Variants in TCP11 observed in about 807,000 individuals in gnomAD.
TCP11 encodes the protein T-complex protein 11 homolog.
In TCP11, 34 loss-of-function variants were observed where a neutral mutation model predicts 45.0. The ratio of observed to expected loss-of-function variants is 0.76; its 90% confidence interval spans 0.57 to 1.01. TCP11 has a LOEUF of 1.01. Ranked by LOEUF, TCP11 falls within the 50% of genes least tolerant of loss-of-function variation. TCP11 has a pLI of 0.00. For synonymous variants in TCP11, 227 were observed against 227.0 expected (o/e 1.00, Z 0.00); for missense variants, 523 against 598.1 (o/e 0.87, Z 1.31).
chr6:35,121,025 C>A lies in TCP11; in HGVS notation c.599G>T (p.Gly200Val). The A allele has an allele frequency of 6.2e-7, 1 of 1,609,310 alleles. No individual in the cohort carries two copies. The highest frequency in any genetic ancestry group is 8.5e-7 in the Non-Finnish European group (1 of 1,177,416). Residue 200 changes from glycine to valine, a missense_variant, in exon 6 of 10, where the codon GGC becomes GTC. Physicochemically the swap from Gly to Val is moderately radical, Grantham distance 109. This residue lies in a region of TCP11 where 298 missense variants were observed against 387.9 expected (regional missense o/e 0.77). Transcript: ENST00000311875. ...GTTCACCATGTCCATTTTCATCCGG[C>A]CCAGAACCTGGAAGATCCCTCTGAC... ...WLLRGIFQVL[G>V]RMKMDMVNYT...
At chr6:35,140,348 C>G in intron 2 of TCP11, 1 of 682,906 alleles carries the variant, frequency 1.5e-6, no homozygotes, top group South Asian at 1.6e-5. Context: ...GAGCTAGAGA[C>G]TGGGCCCAGG....
intron 4 of TCP11, chr6:35,128,344 G>C (rs1450270186): frequency 6.6e-6 from 1 of 152,194 alleles, no homozygotes; most frequent in Non-Finnish European, 1.5e-5. Flanking sequence ...TTGCTATGTG[G>C]CCCTCTCGAT....
intron 2 of TCP11, chr6:35,137,943 A>G (rs146419290): frequency 2.6e-6 from 1 of 384,992 alleles, no homozygotes; most frequent in East Asian, 7.8e-5. Flanking sequence ...TGAAAATGTA[A>G]AAAGGAAAAA....
intron 5 of TCP11, 24 bp downstream of exon 5, chr6:35,122,093 T>G (rs756478410): frequency 4.3e-6 from 7 of 1,612,322 alleles, no homozygotes; most frequent in Non-Finnish European, 5.1e-6. Context: ...AGCAGGTTTT[T>G]GGGGGCAGTA....
In TCP11 at chr6:35,120,372, G is replaced by A; in HGVS notation, c.934-32C>T. The A allele has an allele frequency of 1.2e-6, 2 of 1,603,320 alleles. No homozygotes were observed. The highest frequency in any genetic ancestry group is 1.7e-6 in the Non-Finnish European group (2 of 1,173,126). On this transcript the variant is annotated intron_variant, in intron 7 of 9. Transcript: ENST00000311875. The surrounding 1 kb of genome is among the most constrained non-coding windows in gnomAD (Gnocchi z 4.9). The stretch of plus-strand genomic sequence containing the variant: ...ACCAGGGAAGAACAGGCTGTCAGGG[G>A]AAGTCCCGATGGAAGCCCTGAACAC...
At chr6:35,138,453 ATGT>A (rs1164548755) in intron 2 of TCP11, among the ~76,000 whole-genome samples, 1 of 152,242 alleles carries the variant, frequency 6.6e-6, no homozygotes, top group Non-Finnish European at 1.5e-5. Flanking sequence ...GGAGGTCATT[ATGT>A]TAAGTGAATT....
intron 4 of TCP11, 66 bp downstream of exon 4, chr6:35,128,996 C>A: frequency 6.3e-7 from 1 of 1,579,386 alleles, no homozygotes; most frequent in South Asian, 1.2e-5. Context: ...GATTTGCTAG[C>A]CACTGACACT....
At chr6:35,130,002 T>G (rs1780224206) in intron 3 of TCP11, among the ~76,000 whole-genome samples, 1 of 152,090 alleles carries the variant, frequency 6.6e-6, no homozygotes, top group Non-Finnish European at 1.5e-5. Flanking sequence ...GGGCTGGTCT[T>G]GAACTCCAGG....
At chr6:35,129,870 G>A (rs953434882) in intron 3 of TCP11, among the ~76,000 whole-genome samples, 2 of 152,148 alleles carry the variant, frequency 1.3e-5, no homozygotes, top group Non-Finnish European at 2.9e-5. Flanking sequence ...AACCTCCCAC[G>A]CGCAAGCAAA....
At chr6:35,135,620 TAAAA>T (rs35859439) in intron 3 of TCP11, among the ~76,000 whole-genome samples, 1 of 121,556 alleles carries the variant, frequency 8.2e-6, no homozygotes, top group Non-Finnish European at 1.7e-5. Context: ...ACCCCATCTC[TAAAA>T]AAAAAAAAAA....
intron 2 of TCP11, chr6:35,140,005 G>A (rs902598643): frequency 8.7e-6 from 14 of 1,613,460 alleles, no homozygotes; most frequent in Non-Finnish European, 1.2e-5. Context: ...CAAAAAAACG[G>A]ATTTTTCATC....
rs775764694 is a variant in TCP11 at position 35,122,160 on chromosome 6, C to T, written c.535G>A (p.Val179Met). ...TCCGTAATGTTTTCTAGTTTCTGCA[C>T]TGCTTCATCTCGAACTGGTGCACAC... ...LLCAPVRDEA[V>M]QKLENITDPV... Residue 179 changes from valine to methionine, a missense_variant, in exon 5 of 10, where the codon GTG becomes ATG. Physicochemically the swap from Val to Met is conservative, Grantham distance 21 (BLOSUM62 1). Transcript: ENST00000311875. 6.2e-7 allele frequency: 1 copy of T among 1,614,062 alleles called. No individual in the cohort carries two copies. The highest frequency in any genetic ancestry group is 8.5e-7 in the Non-Finnish European group (1 of 1,180,034).
At position 35,120,556 on chromosome 6, in the gene TCP11, G is replaced by C; in HGVS notation, c.806C>G (p.Ser269Cys). 1.2e-6 allele frequency: 2 copies of C among 1,614,012 alleles called. No homozygotes were observed. The highest frequency in any genetic ancestry group is 2.2e-5 in the South Asian group (2 of 91,086). Residue 269 changes from serine (S) to cysteine (C), a missense_variant, in exon 7 of 10, where the codon TCC becomes TGC. Ser to Cys is a moderately radical substitution (Grantham distance 112). Coordinates refer to ENST00000311875, the MANE Select transcript of TCP11 (RefSeq NM_001370687.1). The surrounding 1 kb of genome is among the most constrained non-coding windows in gnomAD (Gnocchi z 4.9). ...PPTCPDTSDS[S>C]SVAGPSPNEA... ...ATTGGGAGAGGGGCCAGCCACACTG[G>C]AGGAGTCAGAAGTGTCTGGGCAAGT... is the stretch of plus-strand genomic sequence containing the variant.
intron 3 of TCP11, among the ~76,000 whole-genome samples, chr6:35,135,271 G>A (rs541483780): frequency 5.9e-5 from 9 of 152,228 alleles, no homozygotes; most frequent in African/African-American, 2.2e-4. Context: ...CTCCCTTGGA[G>A]GAAAGCCAGC....
intron 4 of TCP11, among the ~76,000 whole-genome samples, chr6:35,124,407 G>A (rs1331927953): frequency 6.6e-6 from 1 of 152,168 alleles, no homozygotes; most frequent in Admixed American, 6.5e-5. Flanking sequence ...GGAATTGGGA[G>A]CAAATCTATT....
rs751427683 is a variant in TCP11, at chr6:35,118,281, C to T, written c.1500G>A (p.Val500=). The T allele has an allele frequency of 7.4e-6, 12 of 1,614,150 alleles. No homozygotes were observed. In the South Asian group the frequency reaches 1.3e-4, roughly 18 times the overall value. The change falls in exon 10 of 10, where the codon GTG becomes GTA. Residue 500 remains valine (V), a synonymous_variant. Transcript: ENST00000311875. ...TGAGCCGACGCTATCAAACAGACTC[C>T]ACTTTTGTTTCCAGTGCCTGGGCTG... The part of the protein sequence containing the change: ...ISPAQALETK[V]ESV
intron 4 of TCP11, among the ~76,000 whole-genome samples, chr6:35,123,512 T>C (rs1236978794): frequency 6.6e-6 from 1 of 151,842 alleles, no homozygotes; most frequent in African/African-American, 2.4e-5. Flanking sequence ...TGAGACAGAG[T>C]TTCAATCTGT....
At chr6:35,122,406 C>G in intron 4 of TCP11, 69 bp from the exon 5 acceptor site, 1 of 1,430,578 alleles carries the variant, frequency 7.0e-7, no homozygotes, top group Non-Finnish European at 9.8e-7. Context: ...TGGGCAATCC[C>G]TTTAGCTAAA....
chr6:35,135,147 CAAAA>C (rs34456748), intron 3 of TCP11, among the ~76,000 whole-genome samples: 6 of 131,038 alleles, frequency 4.6e-5, no homozygotes, highest in Non-Finnish European at 6.5e-5. Context: ...AACTCCATCT[CAAAA>C]AAAAAAAAAA....
Sources: gnomAD v4.1 joint callset for allele counts (sites outside exome capture counted in the v4.1 genomes callset) on GRCh38, gnomAD v4.1.1 for gene constraint, gnomAD v4.1.1 regional missense constraint, Gnocchi (gnomAD v3.1) non-coding constraint, MANE v1.5 for transcripts, NCBI Gene and HGNC (gene_info 2026-07-23, HGNC 2026-07-21) for gene names.